Variants in NCS1 observed in about 807,000 individuals in gnomAD.
The protein encoded by NCS1 is neuronal calcium sensor 1, also known as frequenin homolog.
Under a neutral mutation model 28.4 loss-of-function variants are expected in NCS1, and 6 were observed. That is an observed-to-expected ratio of 0.21 (90% CI 0.12 to 0.42). The LOEUF is 0.42. NCS1 is among the 10% of genes least tolerant of loss of function. NCS1 has a pLI of 1.00. For synonymous variants in NCS1, 86 were observed against 99.3 expected, an observed-to-expected ratio of 0.87 and a Z score of 0.79; for missense variants, 131 against 241.4, an observed-to-expected ratio of 0.54 and a Z score of 3.03.
intron 1 of NCS1, among the ~76,000 whole-genome samples, chr9:130,185,123 C>T (rs1564703418): frequency 6.6e-6 from 1 of 152,192 alleles, no homozygotes. Context: ...CAAAGCCCAG[C>T]GGCTACTTCC....
chr9:130,181,714 G>A lies in NCS1; in HGVS notation c.64+8987G>A, dbSNP rs1300896341. On this transcript the variant is annotated intron_variant, in intron 1 of 7. Transcript: ENST00000372398. The surrounding 1 kb of genome is among the most constrained non-coding windows in gnomAD (Gnocchi z 5.0). ...CCGCCATGGAGGTGTGCAGGTGAGC[G>A]TGAGCGGGCCCGGGTGCCTGGTGTG... Among the ~76,000 whole-genome samples, 5 of 152,166 alleles carry A rather than the reference G, an allele frequency of 3.3e-5. No individual in the cohort carries two copies. The highest frequency in any genetic ancestry group is 3.3e-4 in the Admixed American group (5 of 15,284).
chr9:130,196,139 T>C (rs1441275784), intron 1 of NCS1, among the ~76,000 whole-genome samples: 4 of 152,168 alleles, frequency 2.6e-5, no homozygotes, highest in Non-Finnish European at 5.9e-5. Flanking sequence ...AGTGCCTGTC[T>C]TGGCGGGAAC....
intron 1 of NCS1, among the ~76,000 whole-genome samples, chr9:130,188,093 G>A (rs1832763640): frequency 6.6e-6 from 1 of 152,240 alleles, no homozygotes; most frequent in Non-Finnish European, 1.5e-5. Context: ...CTGGCCATCT[G>A]GTCTTGTCTT....
chr9:130,195,454 C>T (rs1303120709), intron 1 of NCS1, among the ~76,000 whole-genome samples: 1 of 150,144 alleles, frequency 6.7e-6, no homozygotes, highest in Non-Finnish European at 1.5e-5. Context: ...TTTTTTGAGA[C>T]AGTCTCTGTC....
At chr9:130,218,596 T>A (rs1208752878) in intron 3 of NCS1, among the ~76,000 whole-genome samples, 2 of 81,654 alleles carry the variant, frequency 2.4e-5, no homozygotes, top group Non-Finnish European at 6.3e-5. Context: ...TTTACATGGA[T>A]TTTTTTTTTT....
At position 130,233,338 on chromosome 9, in the gene NCS1, A is replaced by G. The variant is rs1833523217; in HGVS notation, c.*366A>G. 1 of 152,172 alleles carries G rather than the reference A, an allele frequency of 6.6e-6. No individual in the cohort carries two copies. The highest frequency in any genetic ancestry group is 1.5e-5 in the Non-Finnish European group (1 of 68,036). 9.4% of individuals were successfully genotyped at this position (152,172 alleles called of 1,614,324 possible). On this transcript the variant is annotated 3_prime_UTR_variant, in exon 8 of 8. Transcript: ENST00000372398. The surrounding 1 kb of genome is among the most constrained non-coding windows in gnomAD (Gnocchi z 4.8). ...TTTTGAACAGACGTTTTAAAAGAAAAAAAAACAACTACCTTCTGTCCTAGA... is the reference window on the plus strand; with the variant it reads ...TTTTGAACAGACGTTTTAAAAGAAAGAAAAACAACTACCTTCTGTCCTAGA...
Position 130,234,565 on chromosome 9 carries a change from C to G in NCS1, c.*1593C>G, listed in dbSNP as rs571927552. 1 of 152,354 alleles carries G rather than the reference C, an allele frequency of 6.6e-6. No individual in the cohort carries two copies. Among genetic ancestry groups the G allele is most frequent in the Non-Finnish European group, 1.5e-5 (1 of 68,142 alleles). 9.4% of individuals were successfully genotyped at this position (152,354 alleles called of 1,614,324 possible). A position where few individuals can be genotyped will look rare whatever the true frequency, so the allele number is the denominator to read the frequency against. ...TTGGTCTTGAAGGCCCTTTTCCATG[C>G]CGACATCATGTCACTCTAGGCCTGG... On this transcript the variant is annotated 3_prime_UTR_variant, in exon 8 of 8. Coordinates refer to ENST00000372398, the MANE Select transcript of NCS1 (RefSeq NM_014286.4). This position sits in a 1 kb window ranked among gnomAD's most constrained non-coding sequence, Gnocchi z 6.1.
chr9:130,194,148 C>T (rs891523591), intron 1 of NCS1, among the ~76,000 whole-genome samples: 1 of 152,206 alleles, frequency 6.6e-6, no homozygotes, highest in African/African-American at 2.4e-5. Flanking sequence ...CCTTTTGCTC[C>T]CACCATGTTT....
At chr9:130,205,896 C>CTG (rs1833018333) in intron 2 of NCS1, among the ~76,000 whole-genome samples, 1 of 151,582 alleles carries the variant, frequency 6.6e-6, no homozygotes, top group Admixed American at 6.6e-5. Context: ...GAGAAAAGTT[C>CTG]TGTGTGTCTC....
At chr9:130,221,441 G>GAGAGAGAA (rs1564713760) in intron 4 of NCS1, among the ~76,000 whole-genome samples, 5 of 135,408 alleles carry the variant, frequency 3.7e-5, no homozygotes, top group South Asian at 2.3e-4. Flanking sequence ...GAGAGAGAGA[G>GAGAGAGAA]AGAGAGAGAG....
At chr9:130,183,811 TCTTTC>T (rs1554905400) in intron 1 of NCS1, among the ~76,000 whole-genome samples, 1 of 151,358 alleles carries the variant, frequency 6.6e-6, no homozygotes, top group Non-Finnish European at 1.5e-5. Flanking sequence ...TCTTTTCTTT[TCTTTC>T]TTTTTTTTTT....
chr9:130,200,220 G>T (rs1832923330), intron 1 of NCS1, among the ~76,000 whole-genome samples: 1 of 152,192 alleles, frequency 6.6e-6, no homozygotes, highest in Non-Finnish European at 1.5e-5. Context: ...GTGGTGGTTT[G>T]GTGTTCTTGT....
chr9:130,203,431 T>C (rs576094269), intron 2 of NCS1, among the ~76,000 whole-genome samples: 7 of 152,230 alleles, frequency 4.6e-5, no homozygotes, highest in African/African-American at 1.7e-4. Context: ...GAATGAGGGA[T>C]GAATGAGTGG....
chr9:130,207,662 G>A lies in NCS1; in HGVS notation c.89+6680G>A, dbSNP rs548741030. The stretch of plus-strand genomic sequence containing the variant: ...AGAAGCAGAGCCTGGACTAGAACTC[G>A]GGCTCCAGTGCCGGTCAGGTCCCAA... On this transcript the variant is annotated intron_variant, in intron 2 of 7. Transcript: ENST00000372398. Among the ~76,000 whole-genome samples, 13 of 152,330 alleles carry A rather than the reference G, an allele frequency of 8.5e-5. No individual in the cohort carries two copies. The South Asian group carries it at 2.5e-3, about 29-fold the overall frequency.
intron 2 of NCS1, among the ~76,000 whole-genome samples, chr9:130,216,200 G>A (rs1833183908): frequency 2.0e-5 from 3 of 152,180 alleles, no homozygotes; most frequent in South Asian, 4.1e-4. Flanking sequence ...CACCATGCGC[G>A]GTACTCCCAT....
At position 130,219,141 on chromosome 9, in the gene NCS1, T is replaced by C. The variant is rs997288795; in HGVS notation, c.229-584T>C. ...CCTGATTCTGTCCTGCAGTAGCATT[T>C]GAGGGTGGATTTACTGCCACTTGTC... On this transcript the variant is annotated intron_variant, in intron 3 of 7. Coordinates refer to ENST00000372398, the MANE Select transcript of NCS1 (RefSeq NM_014286.4). This position sits in a 1 kb window ranked among gnomAD's most constrained non-coding sequence, Gnocchi z 5.7. Among the ~76,000 whole-genome samples the C allele has an allele frequency of 6.6e-6, 1 of 152,114 alleles. No individual in the cohort carries two copies. Among genetic ancestry groups the C allele is most frequent in the Non-Finnish European group, 1.5e-5 (1 of 68,022 alleles).
chr9:130,217,817 G>C lies in NCS1; in HGVS notation c.90-15G>C. On this transcript the variant is annotated splice_polypyrimidine_tract_variant and intron_variant, in intron 2 of 7. Transcript: ENST00000372398. ...CGTCTCCTTTACCCTCTCTGGCCCG[G>C]TCTGCTGCCTCCAGGTACAAAGGCT... The C allele has an allele frequency of 6.2e-7, 1 of 1,614,116 alleles. No individual in the cohort carries two copies. The highest frequency in any genetic ancestry group is 1.1e-5 in the South Asian group (1 of 91,088).
At chr9:130,220,723 C>T (rs552382882) in intron 4 of NCS1, among the ~76,000 whole-genome samples, 12 of 152,008 alleles carry the variant, frequency 7.9e-5, no homozygotes, top group African/African-American at 2.7e-4. Flanking sequence ...GCAAGAAGAC[C>T]CTGCAGTTTC....
In NCS1 at chr9:130,237,082, G is replaced by A. The variant is rs1341244549; in HGVS notation, c.*4110G>A. On this transcript the variant is annotated 3_prime_UTR_variant, in exon 8 of 8. Transcript: ENST00000372398. The stretch of plus-strand genomic sequence containing the variant: ...AAACAAACAAAAGGCAATGTCTTCT[G>A]GTTGTGGTTATTTCCTTTCCTGCTT... The A allele has an allele frequency of 6.6e-6, 1 of 152,346 alleles. No homozygotes were observed. Among genetic ancestry groups the A allele is most frequent in the Non-Finnish European group, 1.5e-5 (1 of 68,172 alleles). The allele number at this position is 152,346 out of a possible 1,614,324, so 9.4% of individuals were successfully genotyped here. A position where few individuals can be genotyped will look rare whatever the true frequency, so the allele number is the denominator to read the frequency against.
Sources: allele counts gnomAD v4.1 joint callset (sites outside exome capture counted in the v4.1 genomes callset), GRCh38; gene constraint gnomAD v4.1.1; non-coding constraint Gnocchi (gnomAD v3.1); transcripts MANE v1.5; gene names NCBI Gene and HGNC (gene_info 2026-07-23, HGNC 2026-07-21).